The following RAB18 variants were observed in gnomAD, a reference collection of about 807,000 sequenced individuals.
RAB18 encodes the protein ras-related protein Rab-18.
Under a neutral mutation model 28.5 loss-of-function variants are expected in RAB18, and 10 were observed. The observed-to-expected ratio is 0.35, with a 90% CI of 0.22 to 0.60. The LOEUF (loss-of-function observed/expected upper bound fraction) is 0.60. Among genes scored for constraint, RAB18 ranks in the 20% least tolerant of loss-of-function variants. The pLI is 0.78. For synonymous variants in RAB18, 93 were observed against 86.9 expected, an observed-to-expected ratio of 1.07 and a Z score of -0.39; for missense variants, 188 against 244.2, an observed-to-expected ratio of 0.77 and a Z score of 1.53.
intron 1 of RAB18, among the ~76,000 whole-genome samples, chr10:27,509,315 C>G (rs1271754653): frequency 6.6e-6 from 1 of 152,070 alleles, no homozygotes; most frequent in Non-Finnish European, 1.5e-5. Context: ...AGTGTTTGCC[C>G]GAGTCTATCT....
intron 1 of RAB18, among the ~76,000 whole-genome samples, chr10:27,505,354 C>T (rs1282364106): frequency 6.6e-6 from 1 of 152,118 alleles, no homozygotes; most frequent in African/African-American, 2.4e-5. Context: ...GGGCTGTAAT[C>T]AGTTTCATAT....
chr10:27,513,768 C>T lies in RAB18; in HGVS notation c.124+3838C>T, dbSNP rs547956599. On this transcript the variant is annotated intron_variant, in intron 2 of 6. Transcript: ENST00000356940. ...GGAGCTCAGAGACAACAAGAAACAC[C>T]CATGAAACTGCAAGGCCCCCCTGAG... Among the ~76,000 whole-genome samples the T allele has an allele frequency of 2.6e-5, 4 of 152,236 alleles. No homozygotes were observed. In the East Asian group the frequency reaches 7.7e-4, roughly 29 times the overall value.
chr10:27,512,384 G>A (rs1014348383), intron 2 of RAB18, among the ~76,000 whole-genome samples: 1 of 151,914 alleles, frequency 6.6e-6, no homozygotes, highest in Non-Finnish European at 1.5e-5. Flanking sequence ...TTGGCTCACT[G>A]CAGCCTCCAC....
chr10:27,538,741 AGC>A lies in RAB18; in HGVS notation c.*691_*692del, dbSNP rs1167547392. Reference sequence around the variant, plus strand: ...ATGTACATTGGATTCATGACTGTGCAGCATTTTTAGTTATGTGGTGTTTGGCA... The same window carrying A: ...ATGTACATTGGATTCATGACTGTGCAATTTTTAGTTATGTGGTGTTTGGCA... On this transcript the variant is annotated 3_prime_UTR_variant, in exon 7 of 7. Transcript: ENST00000356940. The A allele has an allele frequency of 1.5e-5, 7 of 454,120 alleles. No individual in the cohort carries two copies. The East Asian group carries it at 4.9e-4, about 32-fold the overall frequency. 28.1% of individuals were successfully genotyped at this position (454,120 alleles called of 1,614,324 possible). A position where few individuals can be genotyped will look rare whatever the true frequency, so the allele number is the denominator to read the frequency against.
chr10:27,535,261 C>CT (rs34135951), intron 6 of RAB18, among the ~76,000 whole-genome samples: 9 of 151,918 alleles, frequency 5.9e-5, no homozygotes, highest in Admixed American at 1.3e-4. Flanking sequence ...AGATTTTGTG[C>CT]TTTTTTTTAA....
At chr10:27,504,643 G>A (rs779873248) in intron 1 of RAB18, 1 of 748,946 alleles carries the variant, frequency 1.3e-6, no homozygotes, top group East Asian at 2.6e-5. Flanking sequence ...CCCGGCCTTT[G>A]CCAGGCCCAA....
At chr10:27,511,673 C>T (rs1190651397) in intron 2 of RAB18, among the ~76,000 whole-genome samples, 1 of 152,186 alleles carries the variant, frequency 6.6e-6, no homozygotes, top group Non-Finnish European at 1.5e-5. Context: ...AGCAATTCCA[C>T]AGAAGTGTTT....
chr10:27,519,190 A>C (rs543859225), intron 2 of RAB18, among the ~76,000 whole-genome samples: 1 of 152,264 alleles, frequency 6.6e-6, no homozygotes, highest in South Asian at 2.1e-4. Context: ...TAAACTAAAA[A>C]AGAAATATCA....
Position 27,539,513 on chromosome 10 carries a change from A to G in RAB18, c.*1462A>G, listed in dbSNP as rs531953669. The G allele has an allele frequency of 5.5e-6, 2 of 363,032 alleles. No homozygotes were observed. The highest frequency in any genetic ancestry group is 2.1e-5 in the African/African-American group (1 of 46,986). 22.5% of individuals were successfully genotyped at this position (363,032 alleles called of 1,614,324 possible). The stretch of plus-strand genomic sequence containing the variant: ...TTACATGTGGTTGAAGGTTTTATAC[A>G]TTCTATATGCTTTTACTAAATATAC... On this transcript the variant is annotated 3_prime_UTR_variant, in exon 7 of 7. Transcript: ENST00000356940.
intron 6 of RAB18, among the ~76,000 whole-genome samples, chr10:27,534,612 T>A (rs1370789058): frequency 2.6e-5 from 4 of 152,214 alleles, no homozygotes; most frequent in Non-Finnish European, 4.4e-5. Flanking sequence ...TCTGGCCCTT[T>A]ACAGAAAGAG....
Position 27,540,152 on chromosome 10 carries a change from A to G in RAB18, c.*2101A>G, listed in dbSNP as rs1357891402. On this transcript the variant is annotated 3_prime_UTR_variant, in exon 7 of 7. Transcript: ENST00000356940. ...ACCCAAACAAATAAAAAACTATTCAATTTCTGAGTAATAGTTAATATTTAT... is the reference window on the plus strand; with the variant it reads ...ACCCAAACAAATAAAAAACTATTCAGTTTCTGAGTAATAGTTAATATTTAT... 2.4e-5 allele frequency: 11 copies of G among 453,924 alleles called. No individual in the cohort carries two copies. Among genetic ancestry groups the G allele is most frequent in the Non-Finnish European group, 3.5e-5 (8 of 226,766 alleles). 28.1% of individuals were successfully genotyped at this position (453,924 alleles called of 1,614,324 possible).
chr10:27,507,446 G>C (rs1217806218), intron 1 of RAB18, among the ~76,000 whole-genome samples: 1 of 151,982 alleles, frequency 6.6e-6, no homozygotes, highest in Non-Finnish European at 1.5e-5. Flanking sequence ...TCTGTGGCTA[G>C]GCCTGGTAAG....
At position 27,542,217 on chromosome 10, in the gene RAB18, A is replaced by C. The variant is rs996422586; in HGVS notation, c.*4166A>C. 5.5e-5 allele frequency: 25 copies of C among 454,116 alleles called. No homozygotes were observed. The highest frequency in any genetic ancestry group is 3.8e-4 in the Admixed American group (16 of 42,580). 28.1% of individuals were successfully genotyped at this position (454,116 alleles called of 1,614,324 possible). A position where few individuals can be genotyped will look rare whatever the true frequency, so the allele number is the denominator to read the frequency against. On this transcript the variant is annotated 3_prime_UTR_variant, in exon 7 of 7. Transcript: ENST00000356940. Reference sequence around the variant, plus strand: ...CAGCTTTCACTTATGTGAGCCAATAAATTCCTTTTTTGTTGAAGGCAATTT... The same window carrying C: ...CAGCTTTCACTTATGTGAGCCAATACATTCCTTTTTTGTTGAAGGCAATTT...
intron 2 of RAB18, among the ~76,000 whole-genome samples, chr10:27,523,265 CT>C (rs34006982): frequency 1.9e-3 from 151 of 79,494 alleles, no homozygotes; most frequent in African/African-American, 3.1e-3. Context: ...TTTTCTTCTT[CT>C]TTTTTTTTTT....
chr10:27,513,145 C>A (rs1305052168), intron 2 of RAB18, among the ~76,000 whole-genome samples: 2 of 151,478 alleles, frequency 1.3e-5, no homozygotes, highest in Admixed American at 1.3e-4. Flanking sequence ...AGTGATTCTT[C>A]TGCCTCAGCC....
chr10:27,521,772 C>T (rs1834558622), intron 2 of RAB18, among the ~76,000 whole-genome samples: 2 of 151,828 alleles, frequency 1.3e-5, no homozygotes, highest in Non-Finnish European at 2.9e-5. Context: ...GATGGGTGCA[C>T]CAAAATCTCG....
chr10:27,533,825 A>T lies in RAB18; in HGVS notation c.350A>T (p.Asn117Ile). The T allele has an allele frequency of 1.2e-6, 2 of 1,613,638 alleles. No homozygotes were observed. Among genetic ancestry groups the T allele is most frequent in the Non-Finnish European group, 1.7e-6 (2 of 1,179,634 alleles). Residue 117 changes from asparagine to isoleucine, a missense_variant, in exon 5 of 7, where the codon AAC becomes ATC. Transcript: ENST00000356940. ...TACTGTACAAGAAATGACATAGTAAACATGCTAGTTGGAAATAAAATCGAT... is the reference window on the plus strand; with the variant it reads ...TACTGTACAAGAAATGACATAGTAATCATGCTAGTTGGAAATAAAATCGAT... ...ETYCTRNDIV[N>I]MLVGNKIDKE...
In RAB18 at chr10:27,540,215, T is replaced by C. The variant is rs1431870350; in HGVS notation, c.*2164T>C. On this transcript the variant is annotated 3_prime_UTR_variant, in exon 7 of 7. Coordinates refer to ENST00000356940, the MANE Select transcript of RAB18 (RefSeq NM_021252.5). ...TGGTGCCAGATGCCTTTCTAAGTGC[T>C]GAATTATCTCATTAAACCTCACAGC... 1 of 454,076 alleles carries C rather than the reference T, an allele frequency of 2.2e-6. No homozygotes were observed. Among genetic ancestry groups the C allele is most frequent in the Admixed American group, 2.3e-5 (1 of 42,572 alleles). 28.1% of individuals were successfully genotyped at this position (454,076 alleles called of 1,614,324 possible). A position where few individuals can be genotyped will look rare whatever the true frequency, so the allele number is the denominator to read the frequency against.
Position 27,538,537 on chromosome 10 carries a change from C to CT in RAB18, c.*492dup. 4.4e-6 allele frequency: 2 copies of CT among 454,434 alleles called. No homozygotes were observed. Among genetic ancestry groups the CT allele is most frequent in the Non-Finnish European group, 8.8e-6 (2 of 226,764 alleles). The allele number at this position is 454,434 out of a possible 1,614,324, so 28.2% of individuals were successfully genotyped here. Reference sequence around the variant, plus strand: ...CAGCTTTTCTGGGATGTTTGAGATTCTTTTTTAGTACTAAGCAAAATTCTC... The same window carrying CT: ...CAGCTTTTCTGGGATGTTTGAGATTCTTTTTTTAGTACTAAGCAAAATTCTC... On this transcript the variant is annotated 3_prime_UTR_variant, in exon 7 of 7. Transcript: ENST00000356940.
Sources: allele counts gnomAD v4.1 joint callset (sites outside exome capture counted in the v4.1 genomes callset), GRCh38; gene constraint gnomAD v4.1.1; transcripts MANE v1.5; gene names NCBI Gene and HGNC (gene_info 2026-07-23, HGNC 2026-07-21).